The following PACRG variants were observed in gnomAD, a reference collection of about 807,000 sequenced individuals.
The protein encoded by PACRG is parkin coregulated gene protein.
Under a neutral mutation model 29.7 loss-of-function variants are expected in PACRG, and 29 were observed. The observed-to-expected ratio is 0.98, with a 90% CI of 0.73 to 1.33. The LOEUF is 1.33. PACRG is among the 40% of genes most tolerant of loss of function. The pLI is 0.00. For missense variants in PACRG, 279 were observed against 316.2 expected, an observed-to-expected ratio of 0.88 and a Z score of 0.89; for synonymous variants, 116 against 118.7, an observed-to-expected ratio of 0.98 and a Z score of 0.15.
intron 2 of PACRG, among the ~76,000 whole-genome samples, chr6:162,862,382 G>C (rs1791934496): frequency 6.6e-6 from 1 of 152,164 alleles, no homozygotes; most frequent in African/African-American, 2.4e-5. Flanking sequence ...GGGGGAGAGG[G>C]GAAGCGTCTT....
chr6:163,173,943 A>T (rs1179126412), intron 4 of PACRG, among the ~76,000 whole-genome samples: 1 of 152,236 alleles, frequency 6.6e-6, no homozygotes, highest in African/African-American at 2.4e-5. Context: ...TGGAGCACGT[A>T]TCAGCTGCAC....
In PACRG at chr6:162,728,083, C is replaced by G. The variant is rs1199626075; in HGVS notation, c.-153C>G. On this transcript the variant is annotated 5_prime_UTR_variant, in exon 1 of 5. Coordinates refer to ENST00000366888, the MANE Select transcript of PACRG (RefSeq NM_001080379.2). The stretch of plus-strand genomic sequence containing the variant: ...CCAGCTCCCTTCACCTAGGAGCTGC[C>G]AAACATCTGGATCAACCTGGGCACT... 6.3e-6 allele frequency: 6 copies of G among 951,142 alleles called. 1 individual carries two copies. The Admixed American group carries it at 1.4e-4, about 22-fold the overall frequency. 58.9% of individuals were successfully genotyped at this position (951,142 alleles called of 1,614,324 possible).
intron 4 of PACRG, among the ~76,000 whole-genome samples, chr6:163,193,483 G>A (rs1375113127): frequency 1.3e-5 from 2 of 152,058 alleles, no homozygotes; most frequent in Non-Finnish European, 2.9e-5. Context: ...TCAACAAGGC[G>A]ATTGTTCCCA....
intron 2 of PACRG, among the ~76,000 whole-genome samples, chr6:162,958,878 TATATATAGAGAGAGAGAGAGAGAG>T (rs56952670): frequency 7.2e-3 from 145 of 20,130 alleles, no homozygotes; most frequent in Non-Finnish European, 8.2e-3. Context: ...TATATATATA[TATATATAGAGAGAGAGAGAGAGAG>T]AGAGAGAGAG....
chr6:162,919,956 C>T (rs1416971938), intron 2 of PACRG, among the ~76,000 whole-genome samples: 35 of 152,090 alleles, frequency 2.3e-4, no homozygotes, highest in Non-Finnish European at 1.5e-5. Context: ...AAAAGATGAT[C>T]TCTCTGCCAT....
intron 2 of PACRG, among the ~76,000 whole-genome samples, chr6:163,012,647 A>G (rs570369445): frequency 2.0e-5 from 3 of 152,320 alleles, no homozygotes; most frequent in Admixed American, 2.0e-4. Flanking sequence ...CACCCTCTGG[A>G]GCTGTGCCAG....
At chr6:162,907,687 G>A (rs9458667) in intron 2 of PACRG, among the ~76,000 whole-genome samples, 28,891 of 151,862 alleles carry the variant, frequency 0.19, 2,894 homozygotes, top group Non-Finnish European at 0.23. Context: ...CATAAAAAGA[G>A]CTACATTATT....
At chr6:162,748,527 C>G in intron 1 of PACRG, among the ~76,000 whole-genome samples, 1 of 151,978 alleles carries the variant, frequency 6.6e-6, no homozygotes, top group Admixed American at 6.6e-5. Flanking sequence ...AACCAAAAAA[C>G]TTGTATTCAG....
chr6:163,149,089 G>A (rs1447822602), intron 4 of PACRG, among the ~76,000 whole-genome samples: 1 of 151,674 alleles, frequency 6.6e-6, no homozygotes, highest in African/African-American at 2.4e-5. Context: ...GGCCCTGCAG[G>A]GCCGTGGCTG....
intron 2 of PACRG, among the ~76,000 whole-genome samples, chr6:162,927,978 T>G (rs1241953737): frequency 3.3e-5 from 5 of 152,072 alleles, no homozygotes; most frequent in Admixed American, 2.6e-4. Flanking sequence ...TAATATTGGC[T>G]TGTAGTTTCC....
intron 3 of PACRG, among the ~76,000 whole-genome samples, chr6:163,066,542 G>C (rs1811561230): frequency 6.6e-6 from 1 of 152,174 alleles, no homozygotes; most frequent in Admixed American, 6.5e-5. Flanking sequence ...TCATAATTTT[G>C]CAGTAATGAC....
intron 4 of PACRG, among the ~76,000 whole-genome samples, chr6:163,118,313 C>T (rs1162585716): frequency 6.6e-6 from 1 of 152,208 alleles, no homozygotes; most frequent in African/African-American, 2.4e-5. Context: ...CATCAATTCA[C>T]CTCCTGAGTG....
intron 2 of PACRG, among the ~76,000 whole-genome samples, chr6:163,058,757 A>T (rs2985040): frequency 3.2e-4 from 49 of 152,198 alleles, no homozygotes; most frequent in Non-Finnish European, 5.9e-4. Context: ...AAATTTAGCC[A>T]GGCGTGGTGG....
intron 2 of PACRG, among the ~76,000 whole-genome samples, chr6:162,980,182 A>G (rs925629760): frequency 2.6e-5 from 4 of 151,874 alleles, no homozygotes; most frequent in Admixed American, 2.0e-4. Flanking sequence ...ACACACACAC[A>G]CACACACGCA....
In PACRG at chr6:163,245,716, G is replaced by A. The variant is rs538201378; in HGVS notation, c.614-69111G>A. Among the ~76,000 whole-genome samples the A allele has an allele frequency of 1.4e-4, 21 of 152,168 alleles. No homozygotes were observed. The South Asian group carries it at 3.9e-3, about 29-fold the overall frequency. ...CTCTGAGCTTCTAACTCCTGTGTCC[G>A]ACTTCCTAATCAGCCGCTGTGCTTG... On this transcript the variant is annotated intron_variant, in intron 4 of 4. Coordinates refer to ENST00000366888, the MANE Select transcript of PACRG (RefSeq NM_001080379.2).
chr6:162,903,387 A>G (rs969963755), intron 2 of PACRG, among the ~76,000 whole-genome samples: 5 of 152,228 alleles, frequency 3.3e-5, no homozygotes, highest in Non-Finnish European at 5.9e-5. Flanking sequence ...CACGCTGCTG[A>G]TATATACATA....
At chr6:163,161,938 A>G (rs538975300) in intron 4 of PACRG, among the ~76,000 whole-genome samples, 9 of 152,340 alleles carry the variant, frequency 5.9e-5, no homozygotes, top group Non-Finnish European at 1.2e-4. Context: ...ATGTATTTGC[A>G]TGAAATTTTA....
chr6:162,798,174 TC>T (rs1326930298), intron 1 of PACRG, among the ~76,000 whole-genome samples: 1 of 152,216 alleles, frequency 6.6e-6, no homozygotes, highest in Non-Finnish European at 1.5e-5. Context: ...GGCTTCTTGA[TC>T]CAACCTTTTC....
intron 4 of PACRG, among the ~76,000 whole-genome samples, chr6:163,313,446 C>T (rs1164448937): frequency 6.6e-6 from 1 of 152,022 alleles, no homozygotes; most frequent in Non-Finnish European, 1.5e-5. Flanking sequence ...AAAAATCAAG[C>T]AAAAGAACTG....
Sources: allele counts gnomAD v4.1 joint callset (sites outside exome capture counted in the v4.1 genomes callset), GRCh38; gene constraint gnomAD v4.1.1; transcripts MANE v1.5; gene names NCBI Gene and HGNC (gene_info 2026-07-23, HGNC 2026-07-21).